Variants in RALGPS1 observed in about 807,000 individuals in gnomAD.
The protein encoded by RALGPS1 is Ral GEF with PH domain and SH3 binding motif 1, also known as ras-specific guanine nucleotide-releasing factor RalGPS1.
RALGPS1 carries 19 observed loss-of-function variants against 78.8 expected under a neutral mutation model. That is an observed-to-expected ratio of 0.24 (90% CI 0.17 to 0.35). The LOEUF (loss-of-function observed/expected upper bound fraction) is 0.35. Among genes scored for constraint, RALGPS1 ranks in the 10% least tolerant of loss-of-function variants. The pLI is 1.00. For synonymous variants in RALGPS1, 228 were observed against 256.3 expected (o/e 0.89, Z 1.06); for missense variants, 454 against 688.3 (o/e 0.66, Z 3.81).
rs79334583 is a variant in RALGPS1 at position 126,958,889 on chromosome 9, G to A, written c.-65-3336G>A. On this transcript the variant is annotated intron_variant, in intron 1 of 18. Coordinates refer to ENST00000259351, the MANE Select transcript of RALGPS1 (RefSeq NM_014636.3). The stretch of plus-strand genomic sequence containing the variant: ...CATTCTGCCTTCCCACCAGCAACGC[G>A]TGAGGGTTCTGTCTCTGCACATTTT... Among the ~76,000 whole-genome samples the A allele has an allele frequency of 2.6e-5, 4 of 152,222 alleles. No individual in the cohort carries two copies. In the East Asian group the frequency reaches 5.8e-4, roughly 22 times the overall value.
chr9:126,965,756 C>T (rs1042060024), intron 2 of RALGPS1, 88 bp from the exon 3 acceptor site: 6 of 971,210 alleles, frequency 6.2e-6, no homozygotes, highest in Admixed American at 3.6e-5. Context: ...TTCCATTGCT[C>T]TCCCATCCTG....
intron 12 of RALGPS1, 152 bp downstream of exon 12, chr9:127,195,369 T>G: frequency 1.8e-6 from 2 of 1,082,354 alleles, no homozygotes; most frequent in Non-Finnish European, 2.6e-6. Context: ...GCCAGTGCGC[T>G]TTCCTGAGGC....
At chr9:126,936,534 T>A (rs1045792641) in intron 1 of RALGPS1, among the ~76,000 whole-genome samples, 3 of 148,240 alleles carry the variant, frequency 2.0e-5, no homozygotes, top group African/African-American at 5.0e-5. Context: ...TTATTTATTA[T>A]TTTTTTTTTT....
Position 127,212,824 on chromosome 9 carries a change from G to T in RALGPS1, c.1446+105G>T. ...TGGGAAAGGGATCTGTGTGAACTGC[G>T]GAGGATGCAGGTGGGAAGGCGGCAG... On this transcript the variant is annotated intron_variant, in intron 16 of 18. Transcript: ENST00000259351. This position sits in a 1 kb window ranked among gnomAD's most constrained non-coding sequence, Gnocchi z 6.0. 6.5e-7 allele frequency: 1 copy of T among 1,544,960 alleles called. No homozygotes were observed. The highest frequency in any genetic ancestry group is 8.8e-7 in the Non-Finnish European group (1 of 1,130,180).
chr9:127,190,332 T>C (rs1380791062), intron 11 of RALGPS1, among the ~76,000 whole-genome samples: 1 of 152,214 alleles, frequency 6.6e-6, no homozygotes, highest in Non-Finnish European at 1.5e-5. Context: ...TGTTTGTTTG[T>C]TTGTTTGTTT....
At chr9:126,951,013 G>A (rs1322738708) in intron 1 of RALGPS1, among the ~76,000 whole-genome samples, 1 of 152,008 alleles carries the variant, frequency 6.6e-6, no homozygotes, top group Non-Finnish European at 1.5e-5. Flanking sequence ...AGAAATACAA[G>A]CTACCATCAG....
At chr9:127,093,430 C>T (rs569253767) in intron 8 of RALGPS1, among the ~76,000 whole-genome samples, 25 of 152,164 alleles carry the variant, frequency 1.6e-4, no homozygotes, top group African/African-American at 2.7e-4. Context: ...GGCCCCCATA[C>T]CAGCGTTTCT....
intron 8 of RALGPS1, among the ~76,000 whole-genome samples, chr9:127,113,904 A>G (rs1701809903): frequency 6.6e-6 from 1 of 152,220 alleles, no homozygotes; most frequent in Admixed American, 6.5e-5. Context: ...AGCCCAAGCA[A>G]GGGGCCACTT....
chr9:126,998,264 C>G (rs969673930), intron 4 of RALGPS1, among the ~76,000 whole-genome samples: 50 of 152,252 alleles, frequency 3.3e-4, no homozygotes, highest in African/African-American at 1.2e-3. Context: ...CTTTTGCAAC[C>G]TACTCATCTG....
chr9:127,040,570 G>C (rs1323228659), intron 5 of RALGPS1, among the ~76,000 whole-genome samples: 1 of 152,150 alleles, frequency 6.6e-6, no homozygotes, highest in Non-Finnish European at 1.5e-5. Flanking sequence ...AAAGATTGTA[G>C]CCCCAGATGG....
chr9:126,987,988 C>A (rs2041958270), intron 4 of RALGPS1, among the ~76,000 whole-genome samples: 1 of 152,086 alleles, frequency 6.6e-6, no homozygotes. Context: ...ACGGGGTGGC[C>A]AAGAGCATCG....
intron 4 of RALGPS1, among the ~76,000 whole-genome samples, chr9:126,994,077 A>G (rs750466031): frequency 2.0e-5 from 3 of 151,856 alleles, no homozygotes; most frequent in Admixed American, 6.6e-5. Flanking sequence ...CAAAGATGGG[A>G]AAAAAAACAG....
chr9:126,950,422 G>A (rs1448124566), intron 1 of RALGPS1, among the ~76,000 whole-genome samples: 9 of 152,190 alleles, frequency 5.9e-5, no homozygotes, highest in East Asian at 3.9e-4. Context: ...CCATTTTCAC[G>A]ATATTGATTC....
chr9:126,959,617 A>G lies in RALGPS1; in HGVS notation c.-65-2608A>G, dbSNP rs532226930. Among the ~76,000 whole-genome samples the G allele has an allele frequency of 1.2e-4, 18 of 149,336 alleles. No homozygotes were observed. The South Asian group carries it at 3.2e-3, about 26-fold the overall frequency. ...TCTTTTTTTTTTTTTTCTTTTAACTATGAAAATTATCAAGTACTTGGAAAA... is the reference window on the plus strand; with the variant it reads ...TCTTTTTTTTTTTTTTCTTTTAACTGTGAAAATTATCAAGTACTTGGAAAA... On this transcript the variant is annotated intron_variant, in intron 1 of 18. Coordinates refer to ENST00000259351, the MANE Select transcript of RALGPS1 (RefSeq NM_014636.3).
At chr9:127,024,889 T>TTG (rs892441755) in intron 4 of RALGPS1, among the ~76,000 whole-genome samples, 1 of 152,214 alleles carries the variant, frequency 6.6e-6, no homozygotes, top group African/African-American at 2.4e-5. Flanking sequence ...TGCTCTATGG[T>TTG]TGGACTCTTT....
At chr9:127,216,802 C>T in intron 18 of RALGPS1, 1 of 1,052,436 alleles carries the variant, frequency 9.5e-7, no homozygotes, top group African/African-American at 1.6e-5. Flanking sequence ...AGCATCCTGG[C>T]CTCCTCCATA....
intron 4 of RALGPS1, chr9:126,989,980 C>T: frequency 1.3e-6 from 2 of 1,550,524 alleles, no homozygotes; most frequent in Non-Finnish European, 8.7e-7. Context: ...CAGGAAAACA[C>T]TGCCTGTGGG....
chr9:127,090,129 G>T (rs1467396366), intron 8 of RALGPS1, among the ~76,000 whole-genome samples: 2 of 152,222 alleles, frequency 1.3e-5, no homozygotes, highest in Non-Finnish European at 2.9e-5. Context: ...CCAAGTGGCA[G>T]TGTTGGACTG....
chr9:127,121,095 C>T (rs2137707922), intron 8 of RALGPS1, among the ~76,000 whole-genome samples: 1 of 152,302 alleles, frequency 6.6e-6, no homozygotes, highest in African/African-American at 2.4e-5. Context: ...ATTACTTTAC[C>T]TCAGTTTCCT....
Sources: gnomAD v4.1 joint callset for allele counts (sites outside exome capture counted in the v4.1 genomes callset) on GRCh38, gnomAD v4.1.1 for gene constraint, Gnocchi (gnomAD v3.1) non-coding constraint, MANE v1.5 for transcripts, NCBI Gene and HGNC (gene_info 2026-07-23, HGNC 2026-07-21) for gene names.